Variants in GRTP1 observed in about 807,000 individuals in gnomAD.
GRTP1 encodes growth hormone-regulated TBC protein 1.
Under a neutral mutation model 38.1 loss-of-function variants are expected in GRTP1, and 56 were observed. The observed-to-expected ratio is 1.47, with a 90% CI of 1.19 to 1.84. GRTP1 has a LOEUF of 1.84. Among genes scored for constraint, GRTP1 ranks in the 40% most tolerant of loss-of-function variants. The probability of loss-of-function intolerance (pLI) is 0.00; values close to 1 mark genes in which losing one functional copy is unlikely to be tolerated. For synonymous variants in GRTP1, 217 were observed against 189.5 expected (o/e 1.14, Z -1.19); for missense variants, 506 against 453.9 (o/e 1.11, Z -1.04).
Position 113,324,532 on chromosome 13 carries a change from T to G in GRTP1, c.967A>C (p.Lys323Gln). The G allele has an allele frequency of 6.2e-7, 1 of 1,612,010 alleles. No homozygotes were observed. The highest frequency in any genetic ancestry group is 8.5e-7 in the Non-Finnish European group (1 of 1,179,222). ...CGGGCCCTGCAGCTCTCGCGGAGCT[T>G]GGCGACGGTGGCCATGGATAAGCTT... ...PGSLSMATVA[K>Q]LRESCRARLL... Residue 323 changes from lysine (K) to glutamine (Q), a missense_variant, in exon 8 of 8, where the codon AAG becomes CAG. Lys to Gln is a moderately conservative substitution (Grantham distance 53). Transcript: ENST00000375431.
At chr13:113,333,727 G>C (rs2042908558) in intron 5 of GRTP1, among the ~76,000 whole-genome samples, 1 of 151,546 alleles carries the variant, frequency 6.6e-6, no homozygotes, top group African/African-American at 2.4e-5. Context: ...CTGCTCTTGA[G>C]CAATCTGCCT....
At chr13:113,335,830 T>G (rs1351368436) in intron 5 of GRTP1, among the ~76,000 whole-genome samples, 1 of 152,002 alleles carries the variant, frequency 6.6e-6, no homozygotes, top group Non-Finnish European at 1.5e-5. Context: ...CTTGCTGTTG[T>G]CGCCCAGGCT....
chr13:113,363,733 C>T (rs757685606), intron 2 of GRTP1, 29 bp downstream of exon 2: 1 of 1,592,400 alleles, frequency 6.3e-7, no homozygotes, highest in South Asian at 1.1e-5. Flanking sequence ...CCTGCGCCCT[C>T]GGGACCCACC....
Position 113,325,993 on chromosome 13 carries a change from G to C in GRTP1, c.661C>G (p.Arg221Gly). 6.2e-7 allele frequency: 1 copy of C among 1,613,764 alleles called. No homozygotes were observed. Among genetic ancestry groups the C allele is most frequent in the Non-Finnish European group, 8.5e-7 (1 of 1,179,940 alleles). Residue 221 changes from arginine to glycine, a missense_variant, in exon 6 of 8, where the codon CGT becomes GGT. Physicochemically the swap from Arg to Gly is moderately radical, Grantham distance 125. Transcript: ENST00000375431. ...KLPAVGALME[R>G]LGVLWTLLVS... ...AGCAGCGTCCACAGCACACCGAGAC[G>C]CTCCATCAGGGCCCCCACAGCCGGC...
intron 5 of GRTP1, among the ~76,000 whole-genome samples, chr13:113,340,351 C>T (rs1312056037): frequency 1.3e-5 from 2 of 148,522 alleles, no homozygotes; most frequent in African/African-American, 5.0e-5. Flanking sequence ...TGGTGGTGCC[C>T]ACCTGTGGTC....
At position 113,355,539 on chromosome 13, in the gene GRTP1, G is replaced by C; in HGVS notation, c.182-58C>G. The C allele has an allele frequency of 3.3e-6, 5 of 1,503,896 alleles. No homozygotes were observed. In the South Asian group the frequency reaches 5.1e-5, roughly 15 times the overall value. 93.2% of individuals were successfully genotyped at this position (1,503,896 alleles called of 1,614,324 possible). A position where few individuals can be genotyped will look rare whatever the true frequency, so the allele number is the denominator to read the frequency against. ...TGGACCAGGGGCCTGCGGGGCCCAC[G>C]CGTTCCTGCCACACTTTCCACTCTC... On this transcript the variant is annotated intron_variant, in intron 2 of 7. Transcript: ENST00000375431.
In GRTP1 at chr13:113,324,284, A is replaced by G. The variant is rs2042727237; in HGVS notation, c.*204T>C. On this transcript the variant is annotated 3_prime_UTR_variant, in exon 8 of 8. Coordinates refer to ENST00000375431, the MANE Select transcript of GRTP1 (RefSeq NM_024719.4). ...TCTCAGGTAAAAATAAGTTTTCTTTAAAAAGTATGACTTCATAGCTAATCA... is the reference window on the plus strand; with the variant it reads ...TCTCAGGTAAAAATAAGTTTTCTTTGAAAAGTATGACTTCATAGCTAATCA... The G allele has an allele frequency of 1.5e-6, 1 of 675,846 alleles. No individual in the cohort carries two copies. The allele number at this position is 675,846 out of a possible 1,614,324, so 41.9% of individuals were successfully genotyped here. A position where few individuals can be genotyped will look rare whatever the true frequency, so the allele number is the denominator to read the frequency against.
intron 5 of GRTP1, among the ~76,000 whole-genome samples, chr13:113,341,731 T>C (rs984920259): frequency 6.6e-6 from 1 of 152,204 alleles, no homozygotes; most frequent in Non-Finnish European, 1.5e-5. Context: ...ACTCTGGAAA[T>C]ACATACATCA....
rs889570272 is a variant in GRTP1 at position 113,325,826 on chromosome 13, G to A, written c.756C>T (p.Asp252=). Residue 252 remains aspartate (D), a synonymous_variant, in exon 7 of 8, where the codon GAC becomes GAT. Coordinates refer to ENST00000375431, the MANE Select transcript of GRTP1 (RefSeq NM_024719.4). ...LPVETVLRIW[D]CLFNEGSKII... is the part of the protein sequence containing the mutation. ...TCTTCGAGCCTTCGTTAAACAAACA[G>A]TCCCAGATCCGAAGCACTGTCTGCA... The A allele has an allele frequency of 1.8e-5, 29 of 1,613,940 alleles. No homozygotes were observed. Among genetic ancestry groups the A allele is most frequent in the Non-Finnish European group, 2.4e-5 (28 of 1,179,984 alleles).
chr13:113,335,160 TA>T (rs781663578), intron 5 of GRTP1, among the ~76,000 whole-genome samples: 26 of 152,134 alleles, frequency 1.7e-4, no homozygotes, highest in Non-Finnish European at 3.7e-4. Flanking sequence ...TTTATAATGC[TA>T]AAAAGGTTTA....
chr13:113,342,025 A>G lies in GRTP1; in HGVS notation c.562+2838T>C, dbSNP rs542109689. On this transcript the variant is annotated intron_variant, in intron 5 of 7. Transcript: ENST00000375431. The surrounding 1 kb of genome is among the most constrained non-coding windows in gnomAD (Gnocchi z 4.5). ...GTAGTGGTGTGATCTAGCTCACTGC[A>G]ACCTCAGCCTCCCTCAAGCTGATTC... 4.6e-5 allele frequency among the ~76,000 whole-genome samples: 7 copies of G among 151,858 alleles called. No individual in the cohort carries two copies. Among genetic ancestry groups the G allele is most frequent in the Non-Finnish European group, 7.4e-5 (5 of 67,932 alleles).
chr13:113,344,484 C>T (rs1391472252), intron 5 of GRTP1, among the ~76,000 whole-genome samples: 10 of 152,204 alleles, frequency 6.6e-5, no homozygotes, highest in Middle Eastern at 3.4e-3. Context: ...GAGGCCAAGG[C>T]GGGTGGATCA....
chr13:113,340,822 A>C (rs1306399498), intron 5 of GRTP1, among the ~76,000 whole-genome samples: 1 of 152,018 alleles, frequency 6.6e-6, no homozygotes, highest in East Asian at 1.9e-4. Flanking sequence ...AAACATTAAA[A>C]AGCAGGAGTT....
rs537584938 is a variant in GRTP1 at position 113,344,896 on chromosome 13, G to A, written c.529C>T (p.Leu177=). Residue 177 remains leucine (L), a synonymous_variant, in exon 5 of 8, where the codon CTG becomes TTG. Coordinates refer to ENST00000375431, the MANE Select transcript of GRTP1 (RefSeq NM_024719.4). Reference sequence around the variant, plus strand: ...ATTCTTCCAACAAGAGCATCTAACAGCCAAAAAGATTCTTCTTCATTATTT... The same window carrying A: ...ATTCTTCCAACAAGAGCATCTAACAACCAAAAAGATTCTTCTTCATTATTT... ...ITNNEEESFW[L]LDALVGRILP... 1.2e-6 allele frequency: 2 copies of A among 1,606,546 alleles called. No homozygotes were observed. Among genetic ancestry groups the A allele is most frequent in the Admixed American group, 1.7e-5 (1 of 58,466 alleles).
intron 5 of GRTP1, among the ~76,000 whole-genome samples, chr13:113,331,822 AT>A (rs1480841977): frequency 8.0e-5 from 12 of 150,410 alleles, no homozygotes; most frequent in African/African-American, 2.4e-4. Context: ...GGCCCGGCTA[AT>A]TTTTTGTATT....
intron 3 of GRTP1, among the ~76,000 whole-genome samples, chr13:113,354,272 C>G (rs2043338956): frequency 6.6e-6 from 1 of 152,236 alleles, no homozygotes; most frequent in South Asian, 2.1e-4. Flanking sequence ...AGGATGCAGC[C>G]TCTCCCCTGG....
chr13:113,327,958 A>C (rs2139394922), intron 5 of GRTP1, among the ~76,000 whole-genome samples: 1 of 152,086 alleles, frequency 6.6e-6, no homozygotes, highest in East Asian at 1.9e-4. Context: ...CATTCCCTAA[A>C]CTCCACCAGG....
intron 5 of GRTP1, among the ~76,000 whole-genome samples, chr13:113,330,474 A>G (rs1346754260): frequency 1.2e-4 from 12 of 104,104 alleles, no homozygotes; most frequent in Admixed American, 1.9e-4. Flanking sequence ...ATAAAAACCC[A>G]GGTGTGTGCA....
In GRTP1 at chr13:113,364,025, G is replaced by A; in HGVS notation, c.27C>T (p.Val9=). 1 of 1,320,368 alleles carries A rather than the reference G, an allele frequency of 7.6e-7. No homozygotes were observed. The highest frequency in any genetic ancestry group is 9.6e-7 in the Non-Finnish European group (1 of 1,038,912). 81.8% of individuals were successfully genotyped at this position (1,320,368 alleles called of 1,614,324 possible). MQPAERSR[V]PRIDPYGFER... Reference sequence around the variant, plus strand: ...CCGCACCCCGCGCCACACACCTGGGGACCCGCGAGCGCTCGGCGGGCTGCA... The same window carrying A: ...CCGCACCCCGCGCCACACACCTGGGAACCCGCGAGCGCTCGGCGGGCTGCA... Residue 9 remains valine, a synonymous_variant, in exon 1 of 8, where the codon GTC becomes GTT. Transcript: ENST00000375431.
Sources: gnomAD v4.1 joint callset for allele counts (sites outside exome capture counted in the v4.1 genomes callset) on GRCh38, gnomAD v4.1.1 for gene constraint, Gnocchi (gnomAD v3.1) non-coding constraint, MANE v1.5 for transcripts, NCBI Gene and HGNC (gene_info 2026-07-23, HGNC 2026-07-21) for gene names.